Variants in IBTK observed in about 807,000 individuals in gnomAD.
IBTK encodes inhibitor of Bruton tyrosine kinase.
IBTK carries 83 observed loss-of-function variants against 154.9 expected under a neutral mutation model. The ratio of observed to expected loss-of-function variants is 0.54; its 90% CI spans 0.45 to 0.64. IBTK has a LOEUF of 0.64. IBTK is among the 30% of genes least tolerant of loss of function. The probability of loss-of-function intolerance (pLI) is 0.00; values close to 1 mark genes in which losing one functional copy is unlikely to be tolerated. For synonymous variants in IBTK, 515 were observed against 536.1 expected, an observed-to-expected ratio of 0.96 and a Z score of 0.54; for missense variants, 1,332 against 1,584.6, an observed-to-expected ratio of 0.84 and a Z score of 2.71.
At chr6:82,214,095 A>G in intron 12 of IBTK, 132 bp downstream of exon 12, 1 of 770,080 alleles carries the variant, frequency 1.3e-6, no homozygotes, top group South Asian at 2.0e-5. Context: ...AGCTGGGACT[A>G]CAGGCGCCCG....
At chr6:82,199,505 T>C (rs1769119740) in intron 21 of IBTK, among the ~76,000 whole-genome samples, 3 of 152,214 alleles carry the variant, frequency 2.0e-5, no homozygotes, top group Non-Finnish European at 4.4e-5. Flanking sequence ...ATACATTTTA[T>C]ATTCTACTAC....
At chr6:82,246,971 T>C (rs77437963) in intron 1 of IBTK, among the ~76,000 whole-genome samples, 177 of 152,348 alleles carry the variant, frequency 1.2e-3, no homozygotes, top group African/African-American at 4.1e-3. Context: ...CGGCCTATGT[T>C]ACCTAATTCG....
In IBTK at chr6:82,240,465, A is replaced by C; in HGVS notation, c.22T>G (p.Cys8Gly). MSSPMPD[C>G]TSKCRSLKHA... ...TTCAGGGATCGACACTTTGATGTGCAGTCAGGCATGGGTGAACTCATCCTA... is the reference window on the plus strand; with the variant it reads ...TTCAGGGATCGACACTTTGATGTGCCGTCAGGCATGGGTGAACTCATCCTA... The change falls in exon 2 of 29, where the codon TGC becomes GGC. Residue 8 changes from cysteine to glycine, a missense_variant. Physicochemically the swap from Cys to Gly is radical, Grantham distance 159 (BLOSUM62 -3). Transcript: ENST00000306270. The C allele has an allele frequency of 1.2e-6, 2 of 1,613,442 alleles. No homozygotes were observed. Among genetic ancestry groups the C allele is most frequent in the Non-Finnish European group, 8.5e-7 (1 of 1,179,920 alleles).
At position 82,194,498 on chromosome 6, in the gene IBTK, A is replaced by G; in HGVS notation, c.3319T>C (p.Trp1107Arg). The part of the protein sequence containing the change: ...NRIDTTSSAS[W>R]VAGSFSPVSP... The stretch of plus-strand genomic sequence containing the variant: ...TCCTACCTGAAAGAACCAGCAACCC[A>G]ACTGGCAGAGCTGGTAGTATCAATT... The change falls in exon 23 of 29, where the codon TGG becomes CGG. Residue 1107 changes from tryptophan (W) to arginine (R), a missense_variant. Coordinates refer to ENST00000306270, the MANE Select transcript of IBTK (RefSeq NM_015525.4). The G allele has an allele frequency of 1.3e-6, 2 of 1,582,226 alleles. No homozygotes were observed. The highest frequency in any genetic ancestry group is 1.7e-6 in the Non-Finnish European group (2 of 1,165,968).
chr6:82,171,584 T>TTTA lies in IBTK; in HGVS notation c.3931-31_3931-29dup, dbSNP rs760525198. The TTTA allele has an allele frequency of 2.8e-5, 43 of 1,549,046 alleles. 2 individuals are homozygous for TTTA. The South Asian group carries it at 4.8e-4, about 17-fold the overall frequency. On this transcript the variant is annotated intron_variant, in intron 28 of 28. Coordinates refer to ENST00000306270, the MANE Select transcript of IBTK (RefSeq NM_015525.4). Reference sequence around the variant, plus strand: ...GAAAGGAGGAAGGGAAAGAAGACTCTTTACTCTTTTAATTATAAACTAAGC... The same window carrying TTTA: ...GAAAGGAGGAAGGGAAAGAAGACTCTTTATTACTCTTTTAATTATAAACTAAGC...
intron 4 of IBTK, among the ~76,000 whole-genome samples, chr6:82,229,537 T>G (rs917593800): frequency 6.6e-6 from 1 of 152,088 alleles, no homozygotes; most frequent in African/African-American, 2.4e-5. Flanking sequence ...CTGCTAATGG[T>G]TGGATTATCA....
chr6:82,198,777 A>G (rs1769094386), intron 21 of IBTK, among the ~76,000 whole-genome samples: 1 of 152,162 alleles, frequency 6.6e-6, no homozygotes, highest in African/African-American at 2.4e-5. Context: ...TTTTATAGTC[A>G]CAATTCATGT....
intron 6 of IBTK, 31 bp from the exon 7 acceptor site, chr6:82,224,216 C>G (rs1213805586): frequency 2.1e-6 from 3 of 1,452,668 alleles, no homozygotes; most frequent in Non-Finnish European, 1.9e-6. Context: ...CTGCAATTTA[C>G]TATATATTTA....
chr6:82,196,598 T>A, intron 21 of IBTK, 152 bp from the exon 22 acceptor site: 1 of 449,212 alleles, frequency 2.2e-6, no homozygotes, highest in Non-Finnish European at 3.8e-6. Flanking sequence ...ATAATTCAAG[T>A]TAACTGGAGA....
chr6:82,172,292 T>C, intron 28 of IBTK, 88 bp downstream of exon 28: 2 of 1,348,988 alleles, frequency 1.5e-6, no homozygotes, highest in Non-Finnish European at 2.0e-6. Flanking sequence ...CAAGCACCTG[T>C]CCAAAACAAA....
At chr6:82,231,618 A>C in intron 4 of IBTK, 100 bp downstream of exon 4, 1 of 796,038 alleles carries the variant, frequency 1.3e-6, no homozygotes, top group Non-Finnish European at 1.9e-6. Flanking sequence ...ATGTTACTGT[A>C]CCTGAAACAA....
chr6:82,186,437 T>C (rs1030709627), intron 25 of IBTK, among the ~76,000 whole-genome samples: 1 of 152,172 alleles, frequency 6.6e-6, no homozygotes, highest in East Asian at 1.9e-4. Flanking sequence ...TAGCATTTTT[T>C]AGCAATAAAA....
At chr6:82,208,559 T>C (rs1582218909) in intron 16 of IBTK, among the ~76,000 whole-genome samples, 2 of 151,786 alleles carry the variant, frequency 1.3e-5, no homozygotes, top group African/African-American at 4.8e-5. Flanking sequence ...CTGGGCAATA[T>C]AGGGAGGCTC....
chr6:82,174,764 A>G (rs979395467), intron 26 of IBTK: 3 of 354,014 alleles, frequency 8.5e-6, no homozygotes, highest in African/African-American at 2.1e-5. Flanking sequence ...TAACTATTAT[A>G]GAGATTAAAA....
chr6:82,200,685 G>A lies in IBTK; in HGVS notation c.2814C>T (p.Val938=). The A allele has an allele frequency of 6.3e-7, 1 of 1,580,820 alleles. No individual in the cohort carries two copies. The change falls in exon 20 of 29, where the codon GTC becomes GTT. Residue 938 remains valine, a synonymous_variant. Transcript: ENST00000306270. ...CTGGTCCATCTTGATATGGTGTAAT[G>A]ACTCTTCTATCCATTGCTGGAATCT... ...RKMIPAMDRR[V]ITPYQDGPDI... is the part of the protein sequence containing the mutation.
intron 26 of IBTK, among the ~76,000 whole-genome samples, chr6:82,180,228 T>C (rs899466895): frequency 3.3e-5 from 5 of 152,086 alleles, no homozygotes; most frequent in Non-Finnish European, 5.9e-5. Flanking sequence ...TAGTATTCCA[T>C]TTAAGGTTTT....
intron 25 of IBTK, among the ~76,000 whole-genome samples, chr6:82,183,563 T>C (rs1314723739): frequency 2.0e-5 from 3 of 152,214 alleles, no homozygotes; most frequent in Non-Finnish European, 4.4e-5. Flanking sequence ...AGACTATATC[T>C]ATTTTAAAAA....
chr6:82,205,164 T>C, intron 16 of IBTK: 1 of 346,338 alleles, frequency 2.9e-6, no homozygotes, highest in Non-Finnish European at 5.2e-6. Flanking sequence ...CAAAATATAT[T>C]TCTATTTTTT....
intron 11 of IBTK, among the ~76,000 whole-genome samples, chr6:82,215,797 AAAAG>A (rs1562094550): frequency 1.3e-5 from 2 of 151,752 alleles, no homozygotes; most frequent in African/African-American, 4.8e-5. Context: ...AAAAAAAAAA[AAAAG>A]AAAGACAATA....
Sources: gnomAD v4.1 joint callset for allele counts (sites outside exome capture counted in the v4.1 genomes callset) on GRCh38, gnomAD v4.1.1 for gene constraint, MANE v1.5 for transcripts, NCBI Gene and HGNC (gene_info 2026-07-23, HGNC 2026-07-21) for gene names.